TAAR5: variants seen among roughly 807,000 people sequenced by gnomAD.
TAAR5 encodes trace amine-associated receptor 5.
TAAR5 carries 27 observed loss-of-function variants against 21.1 expected under a neutral mutation model. The observed-to-expected ratio is 1.28, with a 90% CI of 0.94 to 1.76. The LOEUF is 1.76. TAAR5 is among the 40% of genes most tolerant of loss of function. The probability of loss-of-function intolerance (pLI) is 0.00; values close to 1 mark genes in which losing one functional copy is unlikely to be tolerated. For missense variants in TAAR5, 495 were observed against 405.6 expected (o/e 1.22, Z -1.89); for synonymous variants, 203 against 167.5 (o/e 1.21, Z -1.64).
chr6:132,612,436 T>A, the TAAR5 span, among the ~76,000 whole-genome samples: 1 of 152,154 alleles, frequency 6.6e-6, no homozygotes, highest in Non-Finnish European at 1.5e-5. Context: ...TTTCTTCTGG[T>A]ATTGAATTGC....
chr6:132,600,903 A>G, the TAAR5 span, among the ~76,000 whole-genome samples: 1 of 132,156 alleles, frequency 7.6e-6, no homozygotes, highest in Non-Finnish European at 1.6e-5. Flanking sequence ...GAAGGAGGGA[A>G]GGAGGGAAAG....
chr6:132,610,992 A>G, the TAAR5 span, among the ~76,000 whole-genome samples: 1 of 152,216 alleles, frequency 6.6e-6, no homozygotes, highest in Non-Finnish European at 1.5e-5. Context: ...TGAAAGAAAA[A>G]TAGGAAATAA....
the TAAR5 span, among the ~76,000 whole-genome samples, chr6:132,598,737 T>C: frequency 2.6e-5 from 4 of 152,132 alleles, no homozygotes; most frequent in African/African-American, 9.7e-5. Flanking sequence ...ACCAGAGAAA[T>C]GGCTCTGGGA....
At chr6:132,593,007 C>T (rs1350655565), upstream of TAAR5, among the ~76,000 whole-genome samples, 2 of 152,160 alleles carry the variant, frequency 1.3e-5, no homozygotes, top group African/African-American at 4.8e-5. Flanking sequence ...TTTGCAATTT[C>T]ACTTCAGTGG....
At chr6:132,615,795 C>T in the TAAR5 span, among the ~76,000 whole-genome samples, 1 of 151,694 alleles carries the variant, frequency 6.6e-6, no homozygotes, top group South Asian at 2.1e-4. Context: ...TTCTTGAAAA[C>T]TCACAATTTT....
chr6:132,606,452 C>T, the TAAR5 span, among the ~76,000 whole-genome samples: 3 of 152,214 alleles, frequency 2.0e-5, no homozygotes, highest in African/African-American at 7.2e-5. Flanking sequence ...TGGGTGATGT[C>T]TACTGTCCTA....
the TAAR5 span, among the ~76,000 whole-genome samples, chr6:132,601,018 G>GAAAGAAGGAAGGA: frequency 7.3e-5 from 1 of 13,764 alleles, no homozygotes; most frequent in African/African-American, 4.0e-4. Context: ...GGAAGGAAGG[G>GAAAGAAGGAAGGA]GGGAAGGAGG....
At chr6:132,602,805 C>CAAAAAAAA in the TAAR5 span, among the ~76,000 whole-genome samples, 1 of 134,932 alleles carries the variant, frequency 7.4e-6, no homozygotes, top group African/African-American at 2.9e-5. Context: ...AAGACAATAC[C>CAAAAAAAA]AAAAAAATAA....
the TAAR5 span, among the ~76,000 whole-genome samples, chr6:132,596,778 C>T: frequency 6.6e-6 from 1 of 152,046 alleles, no homozygotes; most frequent in Non-Finnish European, 1.5e-5. Flanking sequence ...AAAGTGCAGA[C>T]TAGCAATCAG....
the TAAR5 span, among the ~76,000 whole-genome samples, chr6:132,611,888 T>C: frequency 3.9e-5 from 6 of 152,246 alleles, no homozygotes; most frequent in African/African-American, 1.4e-4. Flanking sequence ...GTCATACTTT[T>C]GCATGACTGT....
At chr6:132,604,180 A>G in the TAAR5 span, among the ~76,000 whole-genome samples, 7,235 of 135,424 alleles carry the variant, frequency 0.053, 275 homozygotes, top group African/African-American at 0.11. Flanking sequence ...AGTCTCTCTC[A>G]GTCGCCAGGC....
chr6:132,604,936 T>C, the TAAR5 span, among the ~76,000 whole-genome samples: 1 of 152,154 alleles, frequency 6.6e-6, no homozygotes, highest in East Asian at 1.9e-4. Context: ...GTTATGGGAA[T>C]TTTGAGAGGA....
chr6:132,608,346 A>G, the TAAR5 span: 1 of 455,922 alleles, frequency 2.2e-6, no homozygotes, highest in Admixed American at 2.4e-5. Flanking sequence ...ATGGATTAAA[A>G]AAGCCATGAA....
chr6:132,603,052 A>G, the TAAR5 span, among the ~76,000 whole-genome samples: 1 of 152,000 alleles, frequency 6.6e-6, no homozygotes, highest in Non-Finnish European at 1.5e-5. Flanking sequence ...TCAAGCCTGT[A>G]ATCACTTTGG....
At chr6:132,596,383 C>T in the TAAR5 span, among the ~76,000 whole-genome samples, 1 of 152,012 alleles carries the variant, frequency 6.6e-6, no homozygotes, top group African/African-American at 2.4e-5. Context: ...ATTCTGGTGA[C>T]GAATGCGATC....
the TAAR5 span, among the ~76,000 whole-genome samples, chr6:132,611,704 C>T: frequency 1.5e-4 from 23 of 152,056 alleles, no homozygotes; most frequent in African/African-American, 5.6e-4. Flanking sequence ...CCACTTTTTC[C>T]CTGAAGCAGA....
chr6:132,603,497 A>ATC, the TAAR5 span, among the ~76,000 whole-genome samples: 5 of 136,206 alleles, frequency 3.7e-5, no homozygotes, highest in African/African-American at 1.5e-4. Flanking sequence ...TTTCTCTCAA[A>ATC]AAAAAAAAAA....
upstream of TAAR5, among the ~76,000 whole-genome samples, chr6:132,590,925 TTCTC>T (rs1776897285): frequency 6.6e-6 from 1 of 152,258 alleles, no homozygotes; most frequent in African/African-American, 2.4e-5. Context: ...TTGTGTATAT[TTCTC>T]TCAACATGAG....
chr6:132,609,108 C>T, the TAAR5 span: 2 of 435,998 alleles, frequency 4.6e-6, no homozygotes, highest in East Asian at 7.0e-5. Flanking sequence ...GTTTGAAATG[C>T]GATATGGAAA....
Sources: gnomAD v4.1 joint callset for allele counts (sites outside exome capture counted in the v4.1 genomes callset) on GRCh38, gnomAD v4.1.1 for gene constraint, MANE v1.5 for transcripts, NCBI Gene and HGNC (gene_info 2026-07-23, HGNC 2026-07-21) for gene names.